The following NEIL3 variants were observed in gnomAD, a reference collection of about 807,000 sequenced individuals.
NEIL3 encodes the protein nei like DNA glycosylase 3.
NEIL3 carries 48 observed loss-of-function variants against 57.5 expected under a neutral mutation model. The ratio of observed to expected loss-of-function variants is 0.83; its 90% CI spans 0.66 to 1.06. NEIL3 has a LOEUF of 1.06. Among genes scored for constraint, NEIL3 ranks in the 50% least tolerant of loss-of-function variants. The pLI is 0.00. For missense variants in NEIL3, 717 were observed against 739.1 expected (o/e 0.97, Z 0.35); for synonymous variants, 261 against 253.2 (o/e 1.03, Z -0.29).
At chr4:177,369,186 A>G in the NEIL3 span, among the ~76,000 whole-genome samples, 2 of 152,192 alleles carry the variant, frequency 1.3e-5, no homozygotes, top group Admixed American at 6.5e-5. Flanking sequence ...GGGAAATTTC[A>G]CATATGAGTC....
rs113395288 is a variant in NEIL3 at position 177,310,472 on chromosome 4, T to C, written c.156+363T>C. On this transcript the variant is annotated intron_variant, in intron 1 of 9. Transcript: ENST00000264596. Reference sequence around the variant, plus strand: ...TATCAAATCTCTGCTACCTCTGATATGTTTTCTTCGTCCCATTTTAAGCTT... The same window carrying C: ...TATCAAATCTCTGCTACCTCTGATACGTTTTCTTCGTCCCATTTTAAGCTT... 3.8e-3 allele frequency among the ~76,000 whole-genome samples: 585 copies of C among 152,374 alleles called. 4 individuals carry two copies. Among genetic ancestry groups the C allele is most frequent in the African/African-American group, 0.013 (555 of 41,602 alleles).
chr4:177,327,092 G>GGGCT (rs1484049792), intron 2 of NEIL3, among the ~76,000 whole-genome samples: 2 of 151,942 alleles, frequency 1.3e-5, no homozygotes, highest in Non-Finnish European at 2.9e-5. Flanking sequence ...GTTTTATAAG[G>GGGCT]GGCTCTTCCC....
At chr4:177,331,204 T>C (rs1734879033) in intron 2 of NEIL3, among the ~76,000 whole-genome samples, 1 of 152,126 alleles carries the variant, frequency 6.6e-6, no homozygotes, top group Non-Finnish European at 1.5e-5. Context: ...CCCAGGCATA[T>C]TTAAGGAACA....
chr4:177,311,334 T>C (rs1323937678), intron 1 of NEIL3, among the ~76,000 whole-genome samples: 1 of 152,046 alleles, frequency 6.6e-6, no homozygotes, highest in Non-Finnish European at 1.5e-5. Flanking sequence ...CACGATTCTT[T>C]AAGGACTTGT....
chr4:177,329,911 C>A (rs530352219), intron 2 of NEIL3, among the ~76,000 whole-genome samples: 2 of 146,610 alleles, frequency 1.4e-5, no homozygotes, highest in Non-Finnish European at 3.0e-5. Context: ...CTAGAAAAAT[C>A]TTTTTTTTTT....
rs1199626239 is a variant in NEIL3, at chr4:177,346,623, G to A, written c.870-4757G>A. On this transcript the variant is annotated intron_variant, in intron 6 of 9. Coordinates refer to ENST00000264596, the MANE Select transcript of NEIL3 (RefSeq NM_018248.3). ...GGACCTTTCTGCCTCTCCTCCCTCCGTGCATTCCCAGTGATGGCGAATACT... is the reference window on the plus strand; with the variant it reads ...GGACCTTTCTGCCTCTCCTCCCTCCATGCATTCCCAGTGATGGCGAATACT... Among the ~76,000 whole-genome samples the A allele has an allele frequency of 2.6e-5, 4 of 152,016 alleles. No individual in the cohort carries two copies. The East Asian group carries it at 5.8e-4, about 22-fold the overall frequency.
At chr4:177,314,233 T>G (rs925136960) in intron 1 of NEIL3, among the ~76,000 whole-genome samples, 1 of 152,130 alleles carries the variant, frequency 6.6e-6, no homozygotes, top group Non-Finnish European at 1.5e-5. Flanking sequence ...TATGGAATCA[T>G]GAAACAAGGG....
At chr4:177,314,441 G>T (rs1339658112) in intron 1 of NEIL3, among the ~76,000 whole-genome samples, 1 of 152,088 alleles carries the variant, frequency 6.6e-6, no homozygotes, top group Non-Finnish European at 1.5e-5. Context: ...TAGCTTATTT[G>T]GTCAGGATTA....
At chr4:177,329,253 A>G (rs1384394035) in intron 2 of NEIL3, among the ~76,000 whole-genome samples, 1 of 152,196 alleles carries the variant, frequency 6.6e-6, no homozygotes, top group African/African-American at 2.4e-5. Flanking sequence ...AAATCAAAGC[A>G]TAAAAATAAT....
At chr4:177,359,218 G>A (rs143232997) in intron 8 of NEIL3, among the ~76,000 whole-genome samples, 5 of 152,322 alleles carry the variant, frequency 3.3e-5, no homozygotes, top group African/African-American at 1.2e-4. Flanking sequence ...CATCAAAATA[G>A]TTGCTGGTGA....
intron 1 of NEIL3, among the ~76,000 whole-genome samples, chr4:177,312,590 C>T (rs1734497715): frequency 6.6e-6 from 1 of 152,040 alleles, no homozygotes; most frequent in East Asian, 1.9e-4. Context: ...AATACAAATG[C>T]GTCAGTAATG....
chr4:177,353,665 A>C lies in NEIL3; in HGVS notation c.1397A>C (p.Lys466Thr), dbSNP rs61739870. 764 of 1,613,948 alleles carry C rather than the reference A, an allele frequency of 4.7e-4. 2 individuals are homozygous for C. In the African/African-American group the frequency reaches 9.1e-3, roughly 19 times the overall value. ...ESKLFSPAHK[K>T]PKTAQYSSPE... Reference sequence around the variant, plus strand: ...AAATTATTTAGTCCAGCACATAAAAAACCGAAAACAGCCCAATACTCATCA... The same window carrying C: ...AAATTATTTAGTCCAGCACATAAAACACCGAAAACAGCCCAATACTCATCA... The change falls in exon 8 of 10, where the codon AAA becomes ACA. Residue 466 changes from lysine (K) to threonine (T), a missense_variant. Lys to Thr is a moderately conservative substitution (Grantham distance 78, BLOSUM62 -1). Transcript: ENST00000264596.
At chr4:177,334,736 A>G (rs894473326) in intron 2 of NEIL3, among the ~76,000 whole-genome samples, 1 of 152,214 alleles carries the variant, frequency 6.6e-6, no homozygotes, top group Non-Finnish European at 1.5e-5. Context: ...ACCTTGTACA[A>G]TACTATAACA....
intron 1 of NEIL3, among the ~76,000 whole-genome samples, chr4:177,311,458 C>T (rs1734473838): frequency 6.6e-6 from 1 of 151,722 alleles, no homozygotes; most frequent in Admixed American, 6.6e-5. Flanking sequence ...GGCAGATCGC[C>T]TGAGGTTGGG....
At chr4:177,321,150 G>T (rs1277715605) in intron 1 of NEIL3, among the ~76,000 whole-genome samples, 3 of 152,050 alleles carry the variant, frequency 2.0e-5, no homozygotes, top group Admixed American at 6.6e-5. Context: ...TCTAAATTGA[G>T]GAAAAATTGT....
intron 1 of NEIL3, among the ~76,000 whole-genome samples, chr4:177,313,817 T>C (rs757082379): frequency 6.6e-6 from 1 of 152,208 alleles, no homozygotes; most frequent in Non-Finnish European, 1.5e-5. Context: ...AGACATTTAA[T>C]AAAAGTTGAA....
chr4:177,358,499 G>T (rs1453875616), intron 8 of NEIL3, among the ~76,000 whole-genome samples: 1 of 152,028 alleles, frequency 6.6e-6, no homozygotes, highest in South Asian at 2.1e-4. Context: ...TCGAGACGGG[G>T]TTTCACCATG....
the NEIL3 span, among the ~76,000 whole-genome samples, chr4:177,368,139 C>T: frequency 6.6e-6 from 1 of 151,828 alleles, no homozygotes; most frequent in Non-Finnish European, 1.5e-5. Context: ...TAAGAGTCAT[C>T]TATGTAGGAA....
chr4:177,337,185 T>G (rs919768215), intron 4 of NEIL3, among the ~76,000 whole-genome samples: 2 of 151,610 alleles, frequency 1.3e-5, no homozygotes, highest in Non-Finnish European at 2.9e-5. Flanking sequence ...GTAAGAGAGG[T>G]GAGAACCCTA....
Sources: gnomAD v4.1 joint callset for allele counts (sites outside exome capture counted in the v4.1 genomes callset) on GRCh38, gnomAD v4.1.1 for gene constraint, MANE v1.5 for transcripts, NCBI Gene and HGNC (gene_info 2026-07-23, HGNC 2026-07-21) for gene names.